IFT122: variants seen among roughly 807,000 people sequenced by gnomAD.
IFT122 encodes intraflagellar transport protein 122 homolog.
A neutral mutation model predicts 161.6 loss-of-function variants in IFT122; 118 were observed. That is an observed-to-expected ratio of 0.73 (90% CI 0.63 to 0.85). The LOEUF (loss-of-function observed/expected upper bound fraction) is 0.85, where lower values mean the gene tolerates loss of function less well. Ranked by LOEUF, IFT122 falls within the 40% of genes least tolerant of loss-of-function variation. The pLI, the probability that IFT122 is intolerant of heterozygous loss-of-function variation, is 0.00. For synonymous variants in IFT122, 550 were observed against 602.4 expected (o/e 0.91, Z 1.27); for missense variants, 1,381 against 1,579.6 (o/e 0.87, Z 2.13).
chr3:129,511,327 A>G (rs2082800420), intron 23 of IFT122, among the ~76,000 whole-genome samples: 1 of 152,258 alleles, frequency 6.6e-6, no homozygotes, highest in African/African-American at 2.4e-5. Context: ...CAAAAGGTAT[A>G]GAAATTTACG....
At chr3:129,503,571 C>T (rs1056640418) in intron 20 of IFT122, among the ~76,000 whole-genome samples, 9 of 152,004 alleles carry the variant, frequency 5.9e-5, no homozygotes, top group African/African-American at 1.7e-4. Flanking sequence ...GATCCTCCCC[C>T]GACTCACCCA....
Position 129,449,811 on chromosome 3 carries a change from C to G in IFT122, c.42-60C>G, listed in dbSNP as rs3774765. 2.5e-3 allele frequency: 2,760 copies of G among 1,120,784 alleles called. 48 individuals are homozygous for G. In the East Asian group the frequency reaches 0.038, roughly 16 times the overall value. 69.4% of individuals were successfully genotyped at this position (1,120,784 alleles called of 1,614,324 possible). A position where few individuals can be genotyped will look rare whatever the true frequency, so the allele number is the denominator to read the frequency against. ...ATGGCAATAAAGTTTACTTTCCTGG[C>G]CATTAGCAGACTTCATCATTTTGGT... On this transcript the variant is annotated intron_variant, in intron 1 of 29. Coordinates refer to ENST00000348417, the MANE Select transcript of IFT122 (RefSeq NM_052989.3).
At chr3:129,490,433 C>G (rs1375402663) in intron 16 of IFT122, among the ~76,000 whole-genome samples, 4 of 152,328 alleles carry the variant, frequency 2.6e-5, no homozygotes, top group East Asian at 3.9e-4. Context: ...AGGTTCCTCC[C>G]TATTCCCAGG....
At chr3:129,447,286 T>G (rs1316897516) in intron 1 of IFT122, among the ~76,000 whole-genome samples, 1 of 152,118 alleles carries the variant, frequency 6.6e-6, no homozygotes, top group Non-Finnish European at 1.5e-5. Flanking sequence ...CAGATACATT[T>G]AAGAAATACA....
intron 13 of IFT122, among the ~76,000 whole-genome samples, chr3:129,480,463 A>C (rs2078511524): frequency 6.6e-6 from 1 of 152,214 alleles, no homozygotes; most frequent in South Asian, 2.1e-4. Context: ...TGCTCAGCAT[A>C]AGAAAAGTTC....
At chr3:129,469,318 C>A (rs2077125788) in intron 8 of IFT122, 24 bp from the exon 9 acceptor site, 3 of 1,602,744 alleles carry the variant, frequency 1.9e-6, no homozygotes, top group Non-Finnish European at 2.6e-6. Context: ...CCCTTCATAA[C>A]CTCTTTTATC....
intron 19 of IFT122, 143 bp from the exon 20 acceptor site, chr3:129,502,568 C>T: frequency 1.1e-6 from 1 of 918,194 alleles, no homozygotes; most frequent in Non-Finnish European, 1.8e-6. Context: ...AGTGTGTATT[C>T]ATGCATTTAA....
At chr3:129,516,580 GA>G (rs2108681691) in intron 26 of IFT122, among the ~76,000 whole-genome samples, 2 of 63,554 alleles carry the variant, frequency 3.1e-5, no homozygotes, top group Admixed American at 3.1e-4. Context: ...CACACACACA[GA>G]GAGACTGCCC....
intron 3 of IFT122, chr3:129,456,246 G>C (rs2075466488): frequency 7.8e-7 from 1 of 1,278,344 alleles, no homozygotes; most frequent in African/African-American, 1.5e-5. Flanking sequence ...ACCAGGATGA[G>C]GGAGGAGTGA....
intron 1 of IFT122, among the ~76,000 whole-genome samples, chr3:129,447,753 C>T (rs994394728): frequency 1.3e-5 from 2 of 152,126 alleles, no homozygotes; most frequent in African/African-American, 4.8e-5. Context: ...CCTCGTGATC[C>T]GCCCGCCTCG....
intron 21 of IFT122, among the ~76,000 whole-genome samples, chr3:129,505,348 C>T (rs2082083162): frequency 1.3e-5 from 2 of 152,182 alleles, no homozygotes; most frequent in African/African-American, 4.8e-5. Context: ...GTAACCGTTG[C>T]CCTCTCTGGA....
intron 23 of IFT122, among the ~76,000 whole-genome samples, chr3:129,510,173 G>T (rs1447519369): frequency 6.6e-6 from 1 of 152,198 alleles, no homozygotes; most frequent in East Asian, 1.9e-4. Context: ...TGATCCTCCT[G>T]CCTGAGCCTC....
intron 9 of IFT122, among the ~76,000 whole-genome samples, chr3:129,474,657 C>T (rs1559901621): frequency 6.6e-6 from 1 of 152,012 alleles, no homozygotes; most frequent in Non-Finnish European, 1.5e-5. Flanking sequence ...GATGTGGAGG[C>T]CTGAAAAAGC....
Position 129,476,944 on chromosome 3 carries a change from TC to T in IFT122, c.1147+144del, listed in dbSNP as rs373114556. The T allele has an allele frequency of 2.3e-3, 1,973 of 858,174 alleles. 10 individuals are homozygous for T. The highest frequency in any genetic ancestry group is 6.3e-3 in the South Asian group (336 of 53,712). 53.2% of individuals were successfully genotyped at this position (858,174 alleles called of 1,614,324 possible). On this transcript the variant is annotated intron_variant, in intron 11 of 29. Transcript: ENST00000348417. ...TAGCCACTGGGTCTGTGTCTTGTTT[TC>T]TTTTTTTTTTTTTTTTGGTGGGGGA... is the stretch of plus-strand genomic sequence containing the variant.
chr3:129,477,428 C>T lies in IFT122; in HGVS notation c.1148-588C>T, dbSNP rs571594517. The stretch of plus-strand genomic sequence containing the variant: ...GCTGGCCTTAGTGCACTGCTAGGTG[C>T]CTTTGCAAGGGATCCAGGTTGGGGG... On this transcript the variant is annotated intron_variant, in intron 11 of 29. Coordinates refer to ENST00000348417, the MANE Select transcript of IFT122 (RefSeq NM_052989.3). 2.6e-5 allele frequency among the ~76,000 whole-genome samples: 4 copies of T among 152,298 alleles called. No homozygotes were observed. The South Asian group carries it at 8.3e-4, about 32-fold the overall frequency.
chr3:129,500,985 C>T (rs902402167), intron 19 of IFT122, among the ~76,000 whole-genome samples: 1 of 152,056 alleles, frequency 6.6e-6, no homozygotes, highest in Non-Finnish European at 1.5e-5. Flanking sequence ...CCAAGTGGCC[C>T]ATCCCAGGGT....
chr3:129,519,486 A>T (rs770732553), intron 28 of IFT122, 82 bp from the exon 29 acceptor site: 17 of 1,579,348 alleles, frequency 1.1e-5, no homozygotes, highest in Non-Finnish European at 1.5e-5. Context: ...ACCACTGCCA[A>T]AGATTCCAGG....
In IFT122 at chr3:129,478,073, C is replaced by G; in HGVS notation, c.1205C>G (p.Ala402Gly). The change falls in exon 12 of 30, where the codon GCT (alanine) becomes GGT (glycine). Residue 402 changes from alanine to glycine, a missense_variant. Around this residue, in one of 7 missense-constraint regions of IFT122, gnomAD observed 544 missense variants for 648.0 expected, o/e 0.84. Coordinates refer to ENST00000348417, the MANE Select transcript of IFT122 (RefSeq NM_052989.3). ...ATTGCCATCTACAGAAATCGATTGGCTATCCAACTGCCAGAGAAAATCCTC... is the reference window on the plus strand; with the variant it reads ...ATTGCCATCTACAGAAATCGATTGGGTATCCAACTGCCAGAGAAAATCCTC... The part of the protein sequence containing the change: ...KKIAIYRNRL[A>G]IQLPEKILIY... 6.2e-7 allele frequency: 1 copy of G among 1,614,184 alleles called. No individual in the cohort carries two copies. Among genetic ancestry groups the G allele is most frequent in the Non-Finnish European group, 8.5e-7 (1 of 1,180,002 alleles).
At chr3:129,449,570 T>C (rs1370140323) in intron 1 of IFT122, among the ~76,000 whole-genome samples, 6 of 152,244 alleles carry the variant, frequency 3.9e-5, no homozygotes. Context: ...GTCTAGCCTT[T>C]ATGATATTAT....
Sources: allele counts gnomAD v4.1 joint callset (sites outside exome capture counted in the v4.1 genomes callset), GRCh38; gene constraint gnomAD v4.1.1; regional missense constraint gnomAD v4.1.1; transcripts MANE v1.5; gene names NCBI Gene and HGNC (gene_info 2026-07-23, HGNC 2026-07-21).